The following LATS2 variants were observed in gnomAD, a reference collection of about 807,000 sequenced individuals.
The protein encoded by LATS2 is serine/threonine-protein kinase LATS2.
In LATS2, 24 loss-of-function variants were observed where a neutral mutation model predicts 76.0. The observed-to-expected ratio is 0.32, with a 90% CI of 0.23 to 0.44. LATS2 has a LOEUF of 0.44. LATS2 is among the 20% of genes least tolerant of loss of function. LATS2 has a pLI of 1.00. For synonymous variants in LATS2, 692 were observed against 635.4 expected, an observed-to-expected ratio of 1.09 and a Z score of -1.34; for missense variants, 1,286 against 1,481.2, an observed-to-expected ratio of 0.87 and a Z score of 2.16.
At chr13:21,001,467 G>A (rs941600395) in intron 2 of LATS2, among the ~76,000 whole-genome samples, 3 of 152,210 alleles carry the variant, frequency 2.0e-5, no homozygotes, top group Non-Finnish European at 2.9e-5. Context: ...AATGGAATGA[G>A]CAGAAGTGCT....
At chr13:21,015,978 C>T (rs780087067) in intron 2 of LATS2, among the ~76,000 whole-genome samples, 8 of 150,034 alleles carry the variant, frequency 5.3e-5, no homozygotes, top group Non-Finnish European at 1.2e-4. Flanking sequence ...GGATTACAGG[C>T]GTGAACCACC....
intron 1 of LATS2, among the ~76,000 whole-genome samples, chr13:21,051,235 T>C (rs1440133586): frequency 6.6e-6 from 1 of 152,178 alleles, no homozygotes; most frequent in Non-Finnish European, 1.5e-5. Flanking sequence ...GTGCACAACC[T>C]GAACACCCAC....
intron 2 of LATS2, among the ~76,000 whole-genome samples, chr13:21,024,983 A>T (rs1565958196): frequency 6.6e-6 from 1 of 152,092 alleles, no homozygotes; most frequent in African/African-American, 2.4e-5. Context: ...GGCTTCCCCC[A>T]TAACTTTTTG....
At chr13:21,019,836 T>G (rs1595239122) in intron 2 of LATS2, among the ~76,000 whole-genome samples, 3 of 150,606 alleles carry the variant, frequency 2.0e-5, no homozygotes, top group African/African-American at 7.3e-5. Flanking sequence ...TAGCTGGGGG[T>G]GGTGGTGCAC....
chr13:21,024,093 C>CAAAAAA (rs748881098), intron 2 of LATS2, among the ~76,000 whole-genome samples: 319 of 76,144 alleles, frequency 4.2e-3, no homozygotes, highest in Non-Finnish European at 6.6e-3. Context: ...TCTCGCTGTG[C>CAAAAAA]AAAAAAAAAA....
intron 2 of LATS2, among the ~76,000 whole-genome samples, chr13:21,007,736 G>GTT (rs1437035395): frequency 1.1e-3 from 1 of 910 alleles, no homozygotes; most frequent in Non-Finnish European, 4.1e-3. Context: ...TATATATATA[G>GTT]TATATATATA....
At chr13:20,977,442 AAG>A (rs1054961511) in intron 7 of LATS2, among the ~76,000 whole-genome samples, 3 of 151,660 alleles carry the variant, frequency 2.0e-5, no homozygotes, top group Admixed American at 1.3e-4. Context: ...CAGGAAGCAG[AAG>A]AGAGGCGAGC....
chr13:21,031,401 T>C (rs1872525590), intron 2 of LATS2, among the ~76,000 whole-genome samples: 1 of 152,258 alleles, frequency 6.6e-6, no homozygotes, highest in African/African-American at 2.4e-5. Flanking sequence ...ATTTTTGGAT[T>C]GGGTAATTTC....
At chr13:21,038,430 T>C (rs1385405950) in intron 2 of LATS2, 2 of 152,068 alleles carry the variant, frequency 1.3e-5, no homozygotes, top group African/African-American at 2.4e-5. Context: ...CTTGAACTTA[T>C]AAGCTCAAGC....
intron 2 of LATS2, among the ~76,000 whole-genome samples, chr13:20,997,688 T>TCC: frequency 6.6e-6 from 1 of 152,312 alleles, no homozygotes; most frequent in East Asian, 1.9e-4. Context: ...CTTGGCTTGG[T>TCC]CCCCTTCTAC....
intron 2 of LATS2, among the ~76,000 whole-genome samples, chr13:21,037,224 GTGAAA>G (rs1281269482): frequency 6.6e-6 from 1 of 152,174 alleles, no homozygotes; most frequent in African/African-American, 2.4e-5. Flanking sequence ...GGCCAACATG[GTGAAA>G]CCCCATCTCT....
intron 2 of LATS2, among the ~76,000 whole-genome samples, chr13:20,995,321 C>A (rs576186445): frequency 4.9e-4 from 74 of 152,272 alleles, no homozygotes; most frequent in African/African-American, 1.7e-3. Context: ...GTAATGAGTT[C>A]TTTTCCCCAA....
At chr13:21,043,059 C>T (rs1441864813) in intron 2 of LATS2, among the ~76,000 whole-genome samples, 2 of 151,804 alleles carry the variant, frequency 1.3e-5, no homozygotes, top group South Asian at 2.1e-4. Flanking sequence ...CTCGGCCAGA[C>T]GTGGTGACGC....
intron 7 of LATS2, among the ~76,000 whole-genome samples, chr13:20,978,299 C>G (rs1422361104): frequency 6.6e-6 from 1 of 151,988 alleles, no homozygotes; most frequent in Non-Finnish European, 1.5e-5. Context: ...ACATGACCAC[C>G]AGGGCATGTG....
chr13:20,994,937 A>G (rs1595221240), intron 2 of LATS2, among the ~76,000 whole-genome samples: 2 of 152,168 alleles, frequency 1.3e-5, no homozygotes, highest in East Asian at 3.8e-4. Flanking sequence ...CTAGAATCGT[A>G]GGTGGCTATT....
chr13:20,988,322 G>C lies in LATS2; in HGVS notation c.1458C>G (p.Ala486=), dbSNP rs1375120009. Residue 486 remains alanine, a synonymous_variant, in exon 4 of 8, where the codon GCC becomes GCG. Transcript: ENST00000382592. ...CCAGCGCCAGGGCATGCTCCTCCTT[G>C]GCGTCCAAGCCCTCCGCAGCCGGGG... is the stretch of plus-strand genomic sequence containing the variant. ...APAPAAEGLD[A]KEEHALALGG... 6.7e-7 allele frequency: 1 copy of C among 1,482,352 alleles called. No individual in the cohort carries two copies. Among genetic ancestry groups the C allele is most frequent in the East Asian group, 2.5e-5 (1 of 40,800 alleles). 91.8% of individuals were successfully genotyped at this position (1,482,352 alleles called of 1,614,324 possible).
Position 20,973,981 on chromosome 13 carries a change from C to CA in LATS2, c.*888dup, listed in dbSNP as rs1555348762. On this transcript the variant is annotated 3_prime_UTR_variant, in exon 8 of 8. Transcript: ENST00000382592. Reference sequence around the variant, plus strand: ...GACAAATGTTTCAGTTCCCCCCCCCCAAAGAATCCAATCACAACCAAGACA... The same window carrying CA: ...GACAAATGTTTCAGTTCCCCCCCCCCAAAAGAATCCAATCACAACCAAGACA... 86 of 196,046 alleles carry CA rather than the reference C, an allele frequency of 4.4e-4. No individual in the cohort carries two copies. Among genetic ancestry groups the CA allele is most frequent in the African/African-American group, 1.8e-3 (72 of 40,614 alleles). 12.1% of individuals were successfully genotyped at this position (196,046 alleles called of 1,614,324 possible).
intron 2 of LATS2, among the ~76,000 whole-genome samples, chr13:21,013,061 G>A (rs1555225843): frequency 6.6e-6 from 1 of 152,128 alleles, no homozygotes; most frequent in African/African-American, 2.4e-5. Flanking sequence ...GCAGTGTAAG[G>A]CTCTGTTCTA....
Position 20,991,379 on chromosome 13 carries a change from T to G in LATS2, c.368A>C (p.Gln123Pro). The G allele has an allele frequency of 6.2e-7, 1 of 1,614,186 alleles. No homozygotes were observed. The change falls in exon 3 of 8, where the codon CAG becomes CCG. Residue 123 changes from glutamine (Q) to proline (P), a missense_variant. By Grantham distance (76) the Gln-to-Pro change is moderately conservative. This residue lies in a region of LATS2 where 18 missense variants were observed against 58.5 expected (regional missense o/e 0.31). Coordinates refer to ENST00000382592, the MANE Select transcript of LATS2 (RefSeq NM_014572.3). The surrounding 1 kb of genome is among the most constrained non-coding windows in gnomAD (Gnocchi z 4.9). ...DQEMAGRALK[Q>P]TGSRSIEAAL... Reference sequence around the variant, plus strand: ...GGCCTCGATGCTCCTGCTGCCAGTCTGCTTGAGAGCTCGGCCAGCCATCTC... The same window carrying G: ...GGCCTCGATGCTCCTGCTGCCAGTCGGCTTGAGAGCTCGGCCAGCCATCTC...
Sources: allele counts gnomAD v4.1 joint callset (sites outside exome capture counted in the v4.1 genomes callset), GRCh38; gene constraint gnomAD v4.1.1; regional missense constraint gnomAD v4.1.1; non-coding constraint Gnocchi (gnomAD v3.1); transcripts MANE v1.5; gene names NCBI Gene and HGNC (gene_info 2026-07-23, HGNC 2026-07-21).